Variants in CLASP1 observed in about 807,000 individuals in gnomAD.
CLASP1 encodes the protein cytoplasmic linker associated protein 1.
CLASP1 carries 38 observed loss-of-function variants against 192.3 expected under a neutral mutation model. That is an observed-to-expected ratio of 0.20 (90% confidence interval 0.15 to 0.26). The LOEUF (loss-of-function observed/expected upper bound fraction) is 0.26. CLASP1 is among the 10% of genes least tolerant of loss of function. CLASP1 has a pLI of 1.00. For synonymous variants in CLASP1, 691 were observed against 712.8 expected (o/e 0.97, Z 0.49); for missense variants, 1,433 against 1,932.5 (o/e 0.74, Z 4.85).
At chr2:121,467,338 C>G (rs549825398) in intron 9 of CLASP1, among the ~76,000 whole-genome samples, 16 of 152,300 alleles carry the variant, frequency 1.1e-4, no homozygotes, top group African/African-American at 3.4e-4. Flanking sequence ...AATGGGACTG[C>G]TAGGTCAAAT....
chr2:121,358,894 A>G (rs1179373328), intron 37 of CLASP1, among the ~76,000 whole-genome samples: 1 of 152,258 alleles, frequency 6.6e-6, no homozygotes, highest in Non-Finnish European at 1.5e-5. Context: ...GCACAGTGAC[A>G]TGAATGATGC....
intron 2 of CLASP1, chr2:121,530,913 A>C (rs528106770): frequency 1.6e-5 from 11 of 699,222 alleles, no homozygotes; most frequent in Non-Finnish European, 2.9e-5. Context: ...GCTACTGTCC[A>C]ATGAGCGCAT....
chr2:121,607,070 G>A (rs1010895549), intron 1 of CLASP1, among the ~76,000 whole-genome samples: 3 of 151,020 alleles, frequency 2.0e-5, no homozygotes, highest in Non-Finnish European at 1.5e-5. Context: ...GGCCGGGTAC[G>A]GTGGCTCACA....
chr2:121,607,970 A>G (rs2064671425), intron 1 of CLASP1, among the ~76,000 whole-genome samples: 4 of 152,202 alleles, frequency 2.6e-5, no homozygotes, highest in East Asian at 1.9e-4. Context: ...ACTGCTTCCA[A>G]CAACACAGAA....
intron 23 of CLASP1, among the ~76,000 whole-genome samples, chr2:121,416,120 A>G (rs2078528170): frequency 6.6e-6 from 1 of 152,240 alleles, no homozygotes; most frequent in Non-Finnish European, 1.5e-5. Context: ...AGTACCTGAT[A>G]TGTAGGTTCC....
chr2:121,584,959 T>C (rs2061561238), intron 2 of CLASP1, among the ~76,000 whole-genome samples: 1 of 152,176 alleles, frequency 6.6e-6, no homozygotes, highest in Non-Finnish European at 1.5e-5. Context: ...TGCTATAAAA[T>C]GATCATAAAG....
intron 34 of CLASP1, among the ~76,000 whole-genome samples, chr2:121,371,265 C>CT (rs2149286199): frequency 6.6e-6 from 1 of 152,116 alleles, no homozygotes; most frequent in South Asian, 2.1e-4. Context: ...CAATCTTACT[C>CT]TGTCACCCAA....
At chr2:121,516,727 G>A (rs1387803985) in intron 6 of CLASP1, among the ~76,000 whole-genome samples, 1 of 152,186 alleles carries the variant, frequency 6.6e-6, no homozygotes, top group African/African-American at 2.4e-5. Context: ...GATATGTCTA[G>A]GGTTAAAAAT....
chr2:121,347,285 C>A, intron 38 of CLASP1, 131 bp from the exon 40 acceptor site: 1 of 640,516 alleles, frequency 1.6e-6, no homozygotes, highest in South Asian at 1.9e-5. Context: ...CCAGGATAGA[C>A]CTCAGCCCCG....
chr2:121,623,604 A>C, intron 1 of CLASP1, among the ~76,000 whole-genome samples: 1 of 151,940 alleles, frequency 6.6e-6, no homozygotes, highest in East Asian at 1.9e-4. Flanking sequence ...TGGAGAATTT[A>C]TGTTGATTCT....
At chr2:121,585,461 G>C (rs78454196) in intron 2 of CLASP1, among the ~76,000 whole-genome samples, 2 of 152,144 alleles carry the variant, frequency 1.3e-5, no homozygotes, top group Non-Finnish European at 2.9e-5. Context: ...CAGAGACTAA[G>C]TATACTTGCT....
At chr2:121,536,378 GAAAAAA>G (rs59632661) in intron 2 of CLASP1, among the ~76,000 whole-genome samples, 27 of 48,300 alleles carry the variant, frequency 5.6e-4, no homozygotes, top group Non-Finnish European at 9.9e-4. Flanking sequence ...AAGACTGTCT[GAAAAAA>G]AAAAAAAAAA....
chr2:121,647,181 A>ATC (rs2073335325), intron 1 of CLASP1, among the ~76,000 whole-genome samples: 1 of 152,126 alleles, frequency 6.6e-6, no homozygotes, highest in Non-Finnish European at 1.5e-5. Context: ...CAGCCTGGCC[A>ATC]ACATAGTGAA....
At chr2:121,623,159 T>C (rs1455538529) in intron 1 of CLASP1, among the ~76,000 whole-genome samples, 2 of 152,248 alleles carry the variant, frequency 1.3e-5, no homozygotes, top group Non-Finnish European at 2.9e-5. Flanking sequence ...TTAAGTATGA[T>C]ATTAGCTGTA....
At chr2:121,594,085 G>A (rs1028640138) in intron 2 of CLASP1, among the ~76,000 whole-genome samples, 1 of 152,134 alleles carries the variant, frequency 6.6e-6, no homozygotes, top group East Asian at 2.0e-4. Flanking sequence ...GAGATCGTGA[G>A]GTCAGGAGAT....
chr2:121,595,679 A>G (rs1049898065), intron 2 of CLASP1, among the ~76,000 whole-genome samples: 4 of 152,174 alleles, frequency 2.6e-5, no homozygotes, highest in Non-Finnish European at 5.9e-5. Context: ...CTACTCAGGG[A>G]CTTTATTATC....
chr2:121,360,842 G>A (rs539634834), intron 37 of CLASP1, among the ~76,000 whole-genome samples: 1 of 152,236 alleles, frequency 6.6e-6, no homozygotes, highest in South Asian at 2.1e-4. Flanking sequence ...GCAGCATGGG[G>A]ACCCTTGAAC....
At chr2:121,464,613 T>G (rs928889543) in intron 9 of CLASP1, among the ~76,000 whole-genome samples, 3 of 152,250 alleles carry the variant, frequency 2.0e-5, no homozygotes, top group Admixed American at 2.0e-4. Flanking sequence ...TGAGCATTTT[T>G]TCATGTGTTT....
chr2:121,337,925 T>A (rs1172516017), exon 40 of CLASP1: 1 of 144,290 alleles, frequency 6.9e-6, no homozygotes, highest in African/African-American at 2.7e-5. Context: ...AATACAGATA[T>A]GGATGTAACA....
Sources: gnomAD v4.1 joint callset for allele counts (sites outside exome capture counted in the v4.1 genomes callset) on GRCh38, gnomAD v4.1.1 for gene constraint, MANE v1.5 for transcripts, NCBI Gene and HGNC (gene_info 2026-07-23, HGNC 2026-07-21) for gene names.